DLG3: variants seen among roughly 807,000 people sequenced by gnomAD.
DLG3 encodes the protein discs large MAGUK scaffold protein 3.
In DLG3, 1 loss-of-function variant was observed where a neutral mutation model predicts 64.1. The observed-to-expected ratio is 0.02, with a 90% CI of 0.01 to 0.07. The LOEUF (loss-of-function observed/expected upper bound fraction) is 0.07. Among genes scored for constraint, DLG3 ranks in the 10% least tolerant of loss-of-function variants. DLG3 has a pLI of 1.00. For missense variants in DLG3, 429 were observed against 669.5 expected (o/e 0.64, Z 3.96); for synonymous variants, 245 against 259.8 (o/e 0.94, Z 0.55).
intron 15 of DLG3, 61 bp from the exon 16 acceptor site, chrX:70,499,816 T>C: frequency 3.5e-6 from 4 of 1,131,880 alleles, no homozygotes; most frequent in South Asian, 3.8e-5. Flanking sequence ...CCAGTCAGTA[T>C]TTTTTGGTTT....
intron 9 of DLG3, among the ~76,000 whole-genome samples, chrX:70,469,868 T>A (rs1291099438): frequency 8.9e-6 from 1 of 112,454 alleles, no homozygotes; most frequent in Non-Finnish European, 1.9e-5. Flanking sequence ...GGCTGTAACT[T>A]CACTTCCACC....
chrX:70,490,038 T>C (rs1170523437), intron 10 of DLG3, among the ~76,000 whole-genome samples: 2 of 110,359 alleles, frequency 1.8e-5, no homozygotes, highest in East Asian at 5.7e-4. Context: ...AATTTTTGTA[T>C]TTTTAGCAGA....
intron 9 of DLG3, among the ~76,000 whole-genome samples, chrX:70,468,226 T>G (rs181948289): frequency 1.8e-5 from 2 of 111,417 alleles, no homozygotes; most frequent in African/African-American, 6.5e-5. Flanking sequence ...CCCGCCACCA[T>G]GCCCAACTAA....
At chrX:70,501,034 G>C in intron 18 of DLG3, 45 bp downstream of exon 18, 1 of 980,154 alleles carries the variant, frequency 1.0e-6, no homozygotes, top group Non-Finnish European at 1.4e-6. Context: ...GAACTAGCCA[G>C]GTACCTGTTT....
chrX:70,449,050 C>A, intron 2 of DLG3, 87 bp downstream of exon 2: 1 of 1,037,052 alleles, frequency 9.6e-7, no homozygotes, highest in Non-Finnish European at 1.3e-6. Context: ...GTTTCAAGAC[C>A]CATGGGGGGA....
chrX:70,464,483 A>T (rs2086855744), intron 9 of DLG3, among the ~76,000 whole-genome samples: 1 of 109,442 alleles, frequency 9.1e-6, no homozygotes, highest in Non-Finnish European at 1.9e-5. Flanking sequence ...CTGGTCTTGA[A>T]CTCCTGAGCT....
intron 9 of DLG3, among the ~76,000 whole-genome samples, chrX:70,455,564 G>A (rs2086691358): frequency 9.2e-6 from 1 of 108,690 alleles, no homozygotes; most frequent in Non-Finnish European, 1.9e-5. Flanking sequence ...TCCTGCCTCA[G>A]CCCCCTTCCT....
chrX:70,449,807 A>T lies in DLG3; in HGVS notation c.651A>T (p.Arg217=), dbSNP rs1368456006. Residue 217 remains arginine, a synonymous_variant, in exon 4 of 19, where the codon CGA becomes CGT. Transcript: ENST00000374360. ...GPVVRLVVRR[R]QPPPETIMEV... ...TGGTGCGATTGGTGGTGCGGAGGCG[A>T]CAGCCTCCACCCGAGACCATCATGG... 2 of 1,198,437 alleles carry T rather than the reference A, an allele frequency of 1.7e-6. No individual in the cohort carries two copies. Among genetic ancestry groups the T allele is most frequent in the Admixed American group, 2.3e-5 (1 of 43,496 alleles).
intron 12 of DLG3, 96 bp from the exon 13 acceptor site, chrX:70,495,312 C>A: frequency 1.2e-6 from 1 of 854,791 alleles, no homozygotes; most frequent in Non-Finnish European, 1.7e-6. Context: ...CTCTTCTCCC[C>A]AAATCTCTCC....
rs1044422 is a variant in DLG3 at position 70,504,244 on chromosome X, G to A, written c.*1975G>A. On this transcript the variant is annotated 3_prime_UTR_variant, in exon 19 of 19. Transcript: ENST00000374360. Reference sequence around the variant, plus strand: ...TTAACTAAGTGGCAAAGTCTCAACCGTGCTCAGCCCTCCCCCTCCCAGGGA... The same window carrying A: ...TTAACTAAGTGGCAAAGTCTCAACCATGCTCAGCCCTCCCCCTCCCAGGGA... The A allele has an allele frequency of 0.41, 45,000 of 110,763 alleles. 8,671 individuals are homozygous for A. The highest frequency in any genetic ancestry group is 0.76 in the African/African-American group (22,882 of 30,198). The allele number at this position is 110,763 out of a possible 1,213,427, so 9.1% of individuals were successfully genotyped here.
intron 9 of DLG3, among the ~76,000 whole-genome samples, chrX:70,466,951 C>T (rs1388529960): frequency 9.2e-6 from 1 of 108,924 alleles, no homozygotes; most frequent in African/African-American, 3.3e-5. Context: ...CTGGCTTTGT[C>T]ACCCAGGCTG....
At chrX:70,457,584 T>A (rs2086731018) in intron 9 of DLG3, among the ~76,000 whole-genome samples, 1 of 109,925 alleles carries the variant, frequency 9.1e-6, no homozygotes, top group South Asian at 3.9e-4. Context: ...CTTTTTTTTT[T>A]TTTTTGAGAC....
chrX:70,478,597 T>C (rs1171207990), intron 9 of DLG3, among the ~76,000 whole-genome samples: 1 of 111,884 alleles, frequency 8.9e-6, no homozygotes, highest in Non-Finnish European at 1.9e-5. Context: ...TTGTTTGTTT[T>C]TACCTCTGTA....
At chrX:70,498,609 C>G (rs753599491) in intron 14 of DLG3, 39 bp downstream of exon 14, 1 of 1,163,912 alleles carries the variant, frequency 8.6e-7, no homozygotes, top group Admixed American at 2.3e-5. Context: ...GTGCTGGTCT[C>G]CTGGTCGTGG....
intron 7 of DLG3, chrX:70,452,470 C>T: frequency 9.2e-6 from 9 of 979,809 alleles, no homozygotes; most frequent in Non-Finnish European, 1.2e-5. Context: ...CCGCTGGCGG[C>T]AGCGGCGGCG....
chrX:70,453,521 A>T (rs2086650817), intron 7 of DLG3, 116 bp from the exon 8 acceptor site: 1 of 1,073,515 alleles, frequency 9.3e-7, no homozygotes, highest in African/African-American at 1.9e-5. Flanking sequence ...GGTATCATAC[A>T]TAGGGAACCA....
chrX:70,483,848 A>G (rs2087209344), intron 10 of DLG3, among the ~76,000 whole-genome samples: 1 of 112,488 alleles, frequency 8.9e-6, no homozygotes, highest in Non-Finnish European at 1.9e-5. Flanking sequence ...GATGACCGGG[A>G]TAAGCACAGC....
Position 70,498,561 on chromosome X carries a change from C to T in DLG3, c.1861C>T (p.Arg621Trp). The change falls in exon 14 of 19, where the codon CGG becomes TGG. Residue 621 changes from arginine (R) to tryptophan (W), a missense_variant. Arg to Trp is a moderately radical substitution (Grantham distance 101). Coordinates refer to ENST00000374360, the MANE Select transcript of DLG3 (RefSeq NM_021120.4). ...TATTTTGTCATATGAGCCAGTGACA[C>T]GGCAAGAAAGTAAGCCTCCTCTGAG... The part of the protein sequence containing the change: ...DAILSYEPVT[R>W]QEIHYARPVI... The T allele has an allele frequency of 2.5e-6, 3 of 1,207,086 alleles. No homozygotes were observed. The highest frequency in any genetic ancestry group is 3.4e-6 in the Non-Finnish European group (3 of 892,771).
chrX:70,491,998 T>G, intron 10 of DLG3, 109 bp from the exon 11 acceptor site: 72 of 798,247 alleles, frequency 9.0e-5, no homozygotes, highest in Non-Finnish European at 1.3e-4. Context: ...TAGTATACTG[T>G]GAGGCTGCTA....
Sources: gnomAD v4.1 joint callset for allele counts (sites outside exome capture counted in the v4.1 genomes callset) on GRCh38, gnomAD v4.1.1 for gene constraint, MANE v1.5 for transcripts, NCBI Gene and HGNC (gene_info 2026-07-23, HGNC 2026-07-21) for gene names.